Variants in NTN4 observed in about 807,000 individuals in gnomAD.
The protein encoded by NTN4 is netrin 4.
In NTN4, 32 loss-of-function variants were observed where a neutral mutation model predicts 73.6. The observed-to-expected ratio is 0.44, with a 90% CI of 0.33 to 0.58. The LOEUF is 0.58. Among genes scored for constraint, NTN4 ranks in the 20% least tolerant of loss-of-function variants. The pLI is 0.04. For synonymous variants in NTN4, 258 were observed against 287.5 expected, an observed-to-expected ratio of 0.90 and a Z score of 1.04; for missense variants, 654 against 798.3, an observed-to-expected ratio of 0.82 and a Z score of 2.18.
chr12:95,767,668 TG>T (rs1432326184), intron 2 of NTN4, among the ~76,000 whole-genome samples: 1 of 152,152 alleles, frequency 6.6e-6, no homozygotes, highest in Non-Finnish European at 1.5e-5. Context: ...AGAGCCCAGC[TG>T]GGAGCATAAG....
intron 2 of NTN4, among the ~76,000 whole-genome samples, chr12:95,774,179 T>C (rs1252257661): frequency 2.2e-5 from 2 of 91,710 alleles, no homozygotes; most frequent in Non-Finnish European, 5.2e-5. Flanking sequence ...TTCTCTCTTT[T>C]TTTTTTTAAA....
rs2078176531 is a variant in NTN4 at position 95,665,969 on chromosome 12, T to C, written c.1591A>G (p.Lys531Glu). 6 of 1,609,120 alleles carry C rather than the reference T, an allele frequency of 3.7e-6. No homozygotes were observed. Among genetic ancestry groups the C allele is most frequent in the Non-Finnish European group, 5.1e-6 (6 of 1,177,714 alleles). The change falls in exon 9 of 10, where the codon AAG becomes GAG. Residue 531 changes from lysine to glutamate, a missense_variant. Coordinates refer to ENST00000343702, the MANE Select transcript of NTN4 (RefSeq NM_021229.4). ...CCTTTATCATGAGCTGATAAAATCT[T>C]TATTTTTAGCACTGTTAACACAGAA... ...GMKYSYVLKI[K>E]ILSAHDKGTH...
At chr12:95,686,987 C>G (rs766593236) in intron 5 of NTN4, among the ~76,000 whole-genome samples, 4 of 152,174 alleles carry the variant, frequency 2.6e-5, no homozygotes, top group African/African-American at 4.8e-5. Flanking sequence ...CTTACTGCTT[C>G]CTGGAAATGC....
At chr12:95,726,563 C>A (rs1375903315) in intron 3 of NTN4, among the ~76,000 whole-genome samples, 3 of 152,140 alleles carry the variant, frequency 2.0e-5, no homozygotes, top group Non-Finnish European at 4.4e-5. Flanking sequence ...ATGAATAATG[C>A]TTCTATGAAC....
chr12:95,749,945 GT>G (rs2078892121), intron 2 of NTN4, among the ~76,000 whole-genome samples: 1 of 140,254 alleles, frequency 7.1e-6, no homozygotes, highest in Non-Finnish European at 1.6e-5. Flanking sequence ...GGAGGGGCAA[GT>G]ACCCCTCAAC....
chr12:95,693,938 T>C (rs942281560), intron 5 of NTN4, among the ~76,000 whole-genome samples: 10 of 152,008 alleles, frequency 6.6e-5, no homozygotes, highest in Admixed American at 1.3e-4. Flanking sequence ...ATGGAACCAT[T>C]ATGGCTCCCT....
intron 2 of NTN4, among the ~76,000 whole-genome samples, chr12:95,756,633 C>T (rs1034370894): frequency 1.6e-4 from 24 of 152,122 alleles, no homozygotes; most frequent in African/African-American, 5.1e-4. Context: ...AGGAATACCC[C>T]ACTACTTCGT....
upstream of NTN4, among the ~76,000 whole-genome samples, chr12:95,790,933 G>C (rs942492242): frequency 6.8e-5 from 10 of 147,258 alleles, no homozygotes; most frequent in African/African-American, 2.2e-4. The surrounding 1 kb of genome is among the most constrained non-coding windows in gnomAD (Gnocchi z 6.5). Context: ...CCGCCCGGGG[G>C]GGGGGTCCCC....
At chr12:95,740,981 A>G (rs2078819310) in intron 2 of NTN4, among the ~76,000 whole-genome samples, 1 of 152,214 alleles carries the variant, frequency 6.6e-6, no homozygotes, top group Non-Finnish European at 1.5e-5. Flanking sequence ...TGATTCTGAC[A>G]CATAACAAAA....
At chr12:95,775,085 T>C (rs988506345) in intron 2 of NTN4, among the ~76,000 whole-genome samples, 3 of 152,240 alleles carry the variant, frequency 2.0e-5, no homozygotes, top group Non-Finnish European at 4.4e-5. Flanking sequence ...TAGATTCCTT[T>C]TCAAATGCTC....
chr12:95,746,171 T>C (rs960572328), intron 2 of NTN4, among the ~76,000 whole-genome samples: 2 of 152,166 alleles, frequency 1.3e-5, no homozygotes, highest in Non-Finnish European at 2.9e-5. Context: ...AGCTGACTCC[T>C]AGCACATCCA....
chr12:95,726,568 A>G (rs1023296305), intron 3 of NTN4, among the ~76,000 whole-genome samples: 1 of 152,184 alleles, frequency 6.6e-6, no homozygotes, highest in African/African-American at 2.4e-5. Flanking sequence ...TAATGCTTCT[A>G]TGAACATTCA....
At chr12:95,720,273 T>G (rs921096906) in intron 3 of NTN4, among the ~76,000 whole-genome samples, 3 of 152,176 alleles carry the variant, frequency 2.0e-5, no homozygotes, top group African/African-American at 7.2e-5. Context: ...GGGAATGTCT[T>G]AAGGGGAGAG....
intron 3 of NTN4, among the ~76,000 whole-genome samples, chr12:95,721,540 A>G (rs1372949332): frequency 6.6e-6 from 1 of 152,208 alleles, no homozygotes; most frequent in Admixed American, 6.5e-5. Flanking sequence ...GAATACATTT[A>G]CAAACAGAGA....
intron 5 of NTN4, 39 bp downstream of exon 5, chr12:95,710,402 A>C (rs2078555497): frequency 6.5e-7 from 1 of 1,547,926 alleles, no homozygotes; most frequent in Admixed American, 1.7e-5. Flanking sequence ...CATCTCTTGT[A>C]CAAATCAGCC....
chr12:95,666,522 G>T, intron 8 of NTN4, among the ~76,000 whole-genome samples: 1 of 152,152 alleles, frequency 6.6e-6, no homozygotes, highest in South Asian at 2.1e-4. Flanking sequence ...TATTTGTTAG[G>T]CAATTTCAAA....
At chr12:95,749,364 G>A (rs889679253) in intron 2 of NTN4, among the ~76,000 whole-genome samples, 2 of 152,200 alleles carry the variant, frequency 1.3e-5, no homozygotes, top group African/African-American at 4.8e-5. Context: ...CCGTGAGAAA[G>A]ATCCACCTAT....
chr12:95,779,516 A>T (rs2079117591), intron 2 of NTN4, among the ~76,000 whole-genome samples: 1 of 152,192 alleles, frequency 6.6e-6, no homozygotes, highest in Non-Finnish European at 1.5e-5. Context: ...CCAATAACAG[A>T]CAAACAGAGA....
intron 5 of NTN4, among the ~76,000 whole-genome samples, chr12:95,692,505 T>C (rs759043767): frequency 2.3e-4 from 35 of 152,258 alleles, no homozygotes; most frequent in Non-Finnish European, 4.3e-4. Context: ...ATTTTATCTA[T>C]AGTTATATGT....
Sources: allele counts gnomAD v4.1 joint callset (sites outside exome capture counted in the v4.1 genomes callset), GRCh38; gene constraint gnomAD v4.1.1; non-coding constraint Gnocchi (gnomAD v3.1); transcripts MANE v1.5; gene names NCBI Gene and HGNC (gene_info 2026-07-23, HGNC 2026-07-21).